Variants in GP6 observed in about 807,000 individuals in gnomAD.
GP6 encodes the protein glycoprotein VI platelet, also known as platelet glycoprotein VI.
A neutral mutation model predicts 37.3 loss-of-function variants in GP6; 45 were observed. The ratio of observed to expected loss-of-function variants is 1.21; its 90% CI spans 0.95 to 1.55. GP6 has a LOEUF of 1.55. Ranked by LOEUF, GP6 falls within the 40% of genes most tolerant of loss-of-function variation. The pLI is 0.00. For synonymous variants in GP6, 340 were observed against 316.4 expected (o/e 1.07, Z -0.79); for missense variants, 813 against 760.2 (o/e 1.07, Z -0.82).
intron 6 of GP6, among the ~76,000 whole-genome samples, chr19:55,016,140 C>CAA (rs1274410402): frequency 1.1e-4 from 14 of 131,866 alleles, no homozygotes; most frequent in African/African-American, 3.6e-4. Context: ...AGACCCTGTC[C>CAA]AAAAAAAAAA....
chr19:55,024,358 A>ACATGCACGCACACACG lies in GP6; in HGVS notation c.664+859_664+860insCGTGTGTGCGTGCATG, dbSNP rs1179102495. On this transcript the variant is annotated intron_variant, in intron 5 of 7. Transcript: ENST00000310373. ...CGCACACACGCACATGCACGCACAC[A>ACATGCACGCACACACG]CACATATGCACGCACACAGTATGTG... is the stretch of plus-strand genomic sequence containing the variant. Among the ~76,000 whole-genome samples the ACATGCACGCACACACG allele has an allele frequency of 3.0e-3, 230 of 76,042 alleles. 4 individuals carry two copies. The highest frequency in any genetic ancestry group is 7.4e-3 in the African/African-American group (146 of 19,686). The allele number at this position is 76,042 out of a possible 152,430, so 49.9% of individuals were successfully genotyped here. A position where few individuals can be genotyped will look rare whatever the true frequency, so the allele number is the denominator to read the frequency against.
intron 5 of GP6, among the ~76,000 whole-genome samples, chr19:55,024,286 A>ACGCACG (rs2074195235): frequency 2.9e-5 from 4 of 137,190 alleles, no homozygotes; most frequent in South Asian, 2.3e-4. Flanking sequence ...GCACACACAC[A>ACGCACG]CATATGCACG....
chr19:55,015,216 C>G (rs779244827), intron 7 of GP6, 51 bp from the exon 8 acceptor site: 1 of 1,549,872 alleles, frequency 6.5e-7, no homozygotes, highest in South Asian at 1.2e-5. Context: ...ACCTCCAGGA[C>G]CCCCTCCAAG....
intron 1 of GP6, among the ~76,000 whole-genome samples, chr19:55,036,407 A>C (rs775706537): frequency 2.6e-5 from 4 of 152,162 alleles, no homozygotes; most frequent in Non-Finnish European, 4.4e-5. Context: ...CTGAAGCAAC[A>C]AGCCAGATGC....
rs115745018 is a variant in GP6, at chr19:55,017,088, A to G, written c.725-1355T>C. ...AAGACATTGTCCATCTGCGGTTCCC[A>G]GACTATTGCAGGAGACCAAAAAGTA... On this transcript the variant is annotated intron_variant, in intron 6 of 7. Coordinates refer to ENST00000310373, the MANE Select transcript of GP6 (RefSeq NM_001083899.2). 7.3e-3 allele frequency among the ~76,000 whole-genome samples: 1,107 copies of G among 151,470 alleles called. 11 individuals are homozygous for G. Among genetic ancestry groups the G allele is most frequent in the African/African-American group, 0.026 (1,068 of 41,342 alleles).
intron 4 of GP6, among the ~76,000 whole-genome samples, chr19:55,026,851 A>C (rs2074323546): frequency 6.6e-6 from 1 of 150,910 alleles, no homozygotes; most frequent in African/African-American, 2.4e-5. Flanking sequence ...GCGCCACTGC[A>C]CTCCAGCCTG....
intron 3 of GP6, 46 bp from the exon 4 acceptor site, chr19:55,027,908 T>C (rs1343795293): frequency 6.2e-7 from 1 of 1,600,924 alleles, no homozygotes; most frequent in South Asian, 1.1e-5. Flanking sequence ...AGCCAGCATC[T>C]CAGCTGAGAC....
At position 55,014,152 on chromosome 19, in the gene GP6, A is replaced by G. The variant is rs1164813116; in HGVS notation, c.1793T>C (p.Leu598Pro). ...AAAGTCAGGCTTCGTCACCCGAGCTAGAGTGCAGTGGTGTGATCTCAGCTC... is the reference window on the plus strand; with the variant it reads ...AAAGTCAGGCTTCGTCACCCGAGCTGGAGTGCAGTGGTGTGATCTCAGCTC... Residue 598 changes from leucine (L) to proline (P), a missense_variant, in exon 8 of 8, where the codon CTA becomes CCA. Physicochemically the swap from Leu to Pro is moderately conservative, Grantham distance 98. Coordinates refer to ENST00000310373, the MANE Select transcript of GP6 (RefSeq NM_001083899.2). 5.7e-6 allele frequency: 4 copies of G among 698,640 alleles called. No homozygotes were observed. Among genetic ancestry groups the G allele is most frequent in the African/African-American group, 1.7e-5 (1 of 57,334 alleles). 43.3% of individuals were successfully genotyped at this position (698,640 alleles called of 1,614,324 possible).
At chr19:55,032,930 ACACGG>A (rs1369899657) in intron 1 of GP6, 4 of 278,168 alleles carry the variant, frequency 1.4e-5, no homozygotes, top group African/African-American at 1.0e-4. Context: ...TTCGTGTTAG[ACACGG>A]TGGGCTCGTT....
intron 3 of GP6, 141 bp from the exon 4 acceptor site, chr19:55,028,003 A>G: frequency 1.2e-6 from 1 of 826,024 alleles, no homozygotes; most frequent in Non-Finnish European, 2.1e-6. Flanking sequence ...ACCCAAGCTC[A>G]CAGAGAGGTC....
chr19:55,015,779 G>A (rs551610320), intron 6 of GP6, 46 bp from the exon 7 acceptor site: 22 of 1,007,132 alleles, frequency 2.2e-5, no homozygotes, highest in South Asian at 1.0e-4. Context: ...CCATATTCCC[G>A]CCCCCTGTCA....
rs200041269 is a variant in GP6 at position 55,027,536 on chromosome 19, A to G, written c.610+42T>C. 1.1e-4 allele frequency: 177 copies of G among 1,553,382 alleles called. No homozygotes were observed. The African/African-American group carries it at 2.1e-3, about 19-fold the overall frequency. ...TCCCTTGGAATGGCCATCAGGACCT[A>G]TAAAGGCTGAGGAAGAAAGGTTTGG... On this transcript the variant is annotated intron_variant, in intron 4 of 7. Transcript: ENST00000310373.
At chr19:55,016,711 G>T (rs887219544) in intron 6 of GP6, among the ~76,000 whole-genome samples, 1 of 151,760 alleles carries the variant, frequency 6.6e-6, no homozygotes, top group Non-Finnish European at 1.5e-5. Flanking sequence ...CCTGAGACTC[G>T]CCAGGTACTC....
intron 6 of GP6, among the ~76,000 whole-genome samples, chr19:55,017,429 T>C (rs1342728505): frequency 1.3e-5 from 2 of 151,966 alleles, no homozygotes; most frequent in African/African-American, 4.8e-5. Context: ...ATTGCTGTAA[T>C]AGGCAGCCCA....
chr19:55,028,376 C>G (rs2074389844), intron 3 of GP6, among the ~76,000 whole-genome samples: 1 of 152,140 alleles, frequency 6.6e-6, no homozygotes, highest in African/African-American at 2.4e-5. Flanking sequence ...CTATGGAGTC[C>G]TCACTCTTAA....
At chr19:55,036,610 C>T (rs1222149966) in intron 1 of GP6, among the ~76,000 whole-genome samples, 1 of 152,098 alleles carries the variant, frequency 6.6e-6, no homozygotes, top group Admixed American at 6.6e-5. Flanking sequence ...GATGGGGAGG[C>T]ACTGGTTGAG....
intron 4 of GP6, 127 bp from the exon 5 acceptor site, chr19:55,025,398 C>G: frequency 1.4e-6 from 1 of 723,708 alleles, no homozygotes; most frequent in South Asian, 1.5e-5. Context: ...CATCACTGGA[C>G]TGTTGTGGAT....
chr19:55,029,347 TATATATATATATATATATATATA>T (rs1568628654), intron 3 of GP6, among the ~76,000 whole-genome samples: 7 of 4,764 alleles, frequency 1.5e-3, no homozygotes, highest in Admixed American at 9.1e-3. Context: ...TATATATATA[TATATATATATATATATATATATA>T]TATATTTTTT....
At position 55,015,079 on chromosome 19, in the gene GP6, C is replaced by G; in HGVS notation, c.866G>C (p.Gly289Ala). ...TTCCTCCGGCTGTGCCAGTCCTCTG[C>G]CAGAAACCCCGCCAGGATTATTAGG... The change falls in exon 8 of 8, where the codon GGC (glycine) becomes GCC (alanine). Residue 289 changes from glycine (G) to alanine (A), a missense_variant. Physicochemically the swap from Gly to Ala is moderately conservative, Grantham distance 60. Transcript: ENST00000310373. 1 of 1,601,700 alleles carries G rather than the reference C, an allele frequency of 6.2e-7. No individual in the cohort carries two copies. Among genetic ancestry groups the G allele is most frequent in the Non-Finnish European group, 8.5e-7 (1 of 1,174,590 alleles).
Sources: allele counts gnomAD v4.1 joint callset (sites outside exome capture counted in the v4.1 genomes callset), GRCh38; gene constraint gnomAD v4.1.1; transcripts MANE v1.5; gene names NCBI Gene and HGNC (gene_info 2026-07-23, HGNC 2026-07-21).